Variants in TRIP4 observed in about 807,000 individuals in gnomAD.
TRIP4 encodes thyroid hormone receptor interactor 4, also known as activating signal cointegrator 1.
A neutral mutation model predicts 81.8 loss-of-function variants in TRIP4; 54 were observed. The ratio of observed to expected loss-of-function variants is 0.66; its 90% CI spans 0.53 to 0.83. The LOEUF (loss-of-function observed/expected upper bound fraction) is 0.83, where lower values mean the gene tolerates loss of function less well. Among genes scored for constraint, TRIP4 ranks in the 40% least tolerant of loss-of-function variants. TRIP4 has a pLI of 0.00. For synonymous variants in TRIP4, 270 were observed against 242.8 expected, an observed-to-expected ratio of 1.11 and a Z score of -1.04; for missense variants, 662 against 683.6, an observed-to-expected ratio of 0.97 and a Z score of 0.35.
chr15:64,445,284 T>C, intron 12 of TRIP4, 176 bp downstream of exon 12: 1 of 411,074 alleles, frequency 2.4e-6, no homozygotes. Context: ...TCTTTTCTTT[T>C]CTTTTCTTTT....
rs1041535626 is a variant in TRIP4, at chr15:64,401,076, C to T, written c.697+255C>T. ...TCCTGGGTTCAAGTGATTCTCCTGC[C>T]TCAAACTCCCTAGTAGCTGGGATTG... On this transcript the variant is annotated intron_variant, in intron 5 of 12. Transcript: ENST00000261884. Among the ~76,000 whole-genome samples, 55 of 152,112 alleles carry T rather than the reference C, an allele frequency of 3.6e-4. 1 individual carries two copies. Among genetic ancestry groups the T allele is most frequent in the African/African-American group, 1.2e-3 (48 of 41,526 alleles).
intron 6 of TRIP4, among the ~76,000 whole-genome samples, chr15:64,408,626 G>A (rs1891687759): frequency 6.6e-6 from 1 of 152,048 alleles, no homozygotes; most frequent in Admixed American, 6.6e-5. Flanking sequence ...TCTAACTTCA[G>A]TATTTCCCTT....
At chr15:64,435,525 CAAAAA>C (rs35102130) in intron 11 of TRIP4, among the ~76,000 whole-genome samples, 6 of 108,314 alleles carry the variant, frequency 5.5e-5, no homozygotes, top group African/African-American at 2.1e-4. Flanking sequence ...GACTCTGTCT[CAAAAA>C]AAAAAAAAAA....
At chr15:64,426,676 G>A (rs1227331404) in intron 11 of TRIP4, among the ~76,000 whole-genome samples, 1 of 148,840 alleles carries the variant, frequency 6.7e-6, no homozygotes, top group Non-Finnish European at 1.5e-5. Context: ...CTCCAGCCTG[G>A]GCGACAGAGT....
intron 11 of TRIP4, among the ~76,000 whole-genome samples, chr15:64,435,213 CAAAA>C (rs35216763): frequency 5.9e-5 from 3 of 50,424 alleles, no homozygotes; most frequent in African/African-American, 1.8e-4. Context: ...GACCCCATCT[CAAAA>C]AAAAAAAAAA....
intron 12 of TRIP4, chr15:64,450,527 C>G (rs1892734979): frequency 2.8e-6 from 1 of 354,046 alleles, no homozygotes; most frequent in Non-Finnish European, 5.7e-6. Context: ...CAAGAAGCCC[C>G]GGTCCCTTAC....
chr15:64,448,736 T>C (rs1404572598), intron 12 of TRIP4, among the ~76,000 whole-genome samples: 2 of 152,132 alleles, frequency 1.3e-5, no homozygotes, highest in Non-Finnish European at 2.9e-5. Flanking sequence ...AAAAACCTTC[T>C]ACTCTGCCAG....
intron 12 of TRIP4, among the ~76,000 whole-genome samples, chr15:64,445,395 G>A (rs1892606302): frequency 6.6e-6 from 1 of 151,108 alleles, no homozygotes; most frequent in South Asian, 2.1e-4. Flanking sequence ...GGGAGGCTGA[G>A]GCAGGCGGAT....
chr15:64,432,042 A>G (rs1892290498), intron 11 of TRIP4, among the ~76,000 whole-genome samples: 1 of 150,710 alleles, frequency 6.6e-6, no homozygotes, highest in South Asian at 2.1e-4. Context: ...ACGCACCACC[A>G]CGCCCGGCTA....
intron 11 of TRIP4, among the ~76,000 whole-genome samples, chr15:64,433,465 G>A (rs1001961605): frequency 1.3e-5 from 2 of 152,056 alleles, no homozygotes; most frequent in African/African-American, 2.4e-5. Context: ...TTAGCCAGGC[G>A]TGGTGATGTG....
intron 11 of TRIP4, among the ~76,000 whole-genome samples, chr15:64,431,308 G>A (rs1892267031): frequency 6.6e-6 from 1 of 152,070 alleles, no homozygotes; most frequent in Non-Finnish European, 1.5e-5. Context: ...AAGAAAAATT[G>A]TTATGTTACT....
At chr15:64,412,954 GTATCCAATGA>G (rs1891801126) in intron 7 of TRIP4, among the ~76,000 whole-genome samples, 1 of 152,120 alleles carries the variant, frequency 6.6e-6, no homozygotes, top group Admixed American at 6.6e-5. Flanking sequence ...AACAGGGGAT[GTATCCAATGA>G]TTGTTTAGAT....
chr15:64,404,774 A>G (rs1410075138), intron 5 of TRIP4, among the ~76,000 whole-genome samples: 3 of 150,682 alleles, frequency 2.0e-5, no homozygotes, highest in Admixed American at 6.6e-5. Context: ...TGGTATGAAC[A>G]CATTTTACTG....
intron 8 of TRIP4, among the ~76,000 whole-genome samples, chr15:64,417,283 A>T (rs1274703928): frequency 6.6e-6 from 1 of 152,022 alleles, no homozygotes; most frequent in Non-Finnish European, 1.5e-5. Flanking sequence ...AAGTGCTGGG[A>T]TTACAGACAT....
intron 11 of TRIP4, among the ~76,000 whole-genome samples, chr15:64,431,847 A>ATATATATATATATATATATATTTTTTT: frequency 2.5e-5 from 3 of 119,556 alleles, no homozygotes; most frequent in Admixed American, 9.7e-5. Flanking sequence ...ATATATATAT[A>ATATATATATATATATATATATTTTTTT]TTTTTTTTAT....
chr15:64,439,447 T>G (rs1223785511), intron 11 of TRIP4, among the ~76,000 whole-genome samples: 3 of 152,068 alleles, frequency 2.0e-5, no homozygotes, highest in Non-Finnish European at 4.4e-5. Context: ...ATATATGTTC[T>G]TTGTTAATGA....
intron 9 of TRIP4, among the ~76,000 whole-genome samples, chr15:64,421,647 T>C (rs1214614171): frequency 6.6e-6 from 1 of 152,134 alleles, no homozygotes; most frequent in African/African-American, 2.4e-5. Context: ...TTACTGTACC[T>C]TTTCTATGTC....
chr15:64,414,278 G>A, intron 8 of TRIP4, 67 bp downstream of exon 8: 1 of 1,594,842 alleles, frequency 6.3e-7, no homozygotes, highest in Non-Finnish European at 8.5e-7. Flanking sequence ...TTTTAAGTAT[G>A]TCTATTTCAT....
At chr15:64,424,224 A>ACTTC (rs1892087758) in intron 10 of TRIP4, 69 bp downstream of exon 10, 1 of 1,591,016 alleles carries the variant, frequency 6.3e-7, no homozygotes, top group Admixed American at 1.8e-5. Context: ...ATCTTCTTTC[A>ACTTC]CTTCCTTCTT....
Sources: allele counts gnomAD v4.1 joint callset (sites outside exome capture counted in the v4.1 genomes callset), GRCh38; gene constraint gnomAD v4.1.1; transcripts MANE v1.5; gene names NCBI Gene and HGNC (gene_info 2026-07-23, HGNC 2026-07-21).